The following STX17 variants were observed in gnomAD, a reference collection of about 807,000 sequenced individuals.
STX17 encodes syntaxin-17.
Under a neutral mutation model 35.9 loss-of-function variants are expected in STX17, and 29 were observed. The ratio of observed to expected loss-of-function variants is 0.81; its 90% CI spans 0.60 to 1.10. The LOEUF is 1.10. STX17 is among the 50% of genes least tolerant of loss of function. The pLI, the probability that STX17 is intolerant of heterozygous loss-of-function variation, is 0.00. For missense variants in STX17, 312 were observed against 352.3 expected (o/e 0.89, Z 0.92); for synonymous variants, 92 against 118.3 (o/e 0.78, Z 1.44).
chr9:99,957,389 C>T (rs1323788627), intron 4 of STX17, among the ~76,000 whole-genome samples: 1 of 152,110 alleles, frequency 6.6e-6, no homozygotes, highest in Admixed American at 6.6e-5. Context: ...ATGTCTGGCT[C>T]TTCTAAAATA....
In STX17 at chr9:99,970,607, G is replaced by A. The variant is rs1001971583; in HGVS notation, c.*1934G>A. Among the ~76,000 whole-genome samples the A allele has an allele frequency of 1.3e-5, 2 of 152,014 alleles. No homozygotes were observed. The highest frequency in any genetic ancestry group is 2.9e-5 in the Non-Finnish European group (2 of 67,992). On this transcript the variant is annotated 3_prime_UTR_variant, in exon 8 of 8. Coordinates refer to ENST00000259400, the MANE Select transcript of STX17 (RefSeq NM_017919.3). Reference sequence around the variant, plus strand: ...AAGATTCCTAAACCTCAGTTCCAGGGGTAATTCTGACATCACCCGTCCAGC... The same window carrying A: ...AAGATTCCTAAACCTCAGTTCCAGGAGTAATTCTGACATCACCCGTCCAGC...
intron 4 of STX17, among the ~76,000 whole-genome samples, chr9:99,951,901 C>CT (rs911377400): frequency 1.3e-4 from 20 of 151,084 alleles, no homozygotes; most frequent in African/African-American, 2.7e-4. Context: ...AGTAGTTGGT[C>CT]TTTTTTTTTA....
chr9:99,950,938 A>T, intron 3 of STX17, 122 bp from the exon 4 acceptor site: 1 of 936,832 alleles, frequency 1.1e-6, no homozygotes, highest in Non-Finnish European at 1.6e-6. Context: ...GTATTATGCT[A>T]CACCTTCTAT....
chr9:99,968,819 A>G lies in STX17; in HGVS notation c.*146A>G, dbSNP rs1166036640. 2.4e-5 allele frequency: 31 copies of G among 1,309,252 alleles called. No homozygotes were observed. Among genetic ancestry groups the G allele is most frequent in the Non-Finnish European group, 3.1e-5 (30 of 963,020 alleles). 81.1% of individuals were successfully genotyped at this position (1,309,252 alleles called of 1,614,324 possible). On this transcript the variant is annotated 3_prime_UTR_variant, in exon 8 of 8. Transcript: ENST00000259400. The stretch of plus-strand genomic sequence containing the variant: ...TGGGATTGAAGTGTGATAAATGGAT[A>G]TATTTTGTTGTTTGCTGGGGTGTTC...
At chr9:99,934,682 G>T (rs948693489) in intron 3 of STX17, among the ~76,000 whole-genome samples, 5 of 152,120 alleles carry the variant, frequency 3.3e-5, no homozygotes, top group African/African-American at 7.2e-5. Flanking sequence ...TGTTTGTAAA[G>T]AAATCAGATT....
chr9:99,907,806 A>C (rs1182114092), intron 1 of STX17, among the ~76,000 whole-genome samples: 1 of 152,174 alleles, frequency 6.6e-6, no homozygotes, highest in Non-Finnish European at 1.5e-5. Flanking sequence ...CTATTAACTG[A>C]ATTACTAACT....
chr9:99,914,864 A>G (rs1828734654), intron 1 of STX17, among the ~76,000 whole-genome samples: 1 of 152,190 alleles, frequency 6.6e-6, no homozygotes, highest in Non-Finnish European at 1.5e-5. Context: ...CTTACATAGA[A>G]AAAGACCTGG....
chr9:99,967,464 A>C (rs1357493960), intron 6 of STX17, 189 bp from the exon 7 acceptor site: 49 of 290,538 alleles, frequency 1.7e-4, no homozygotes, highest in Non-Finnish European at 2.7e-4. Context: ...AATAATTAAG[A>C]CCCCCCCCTT....
At chr9:99,918,355 C>A (rs2416937) in intron 2 of STX17, among the ~76,000 whole-genome samples, 104,749 of 152,060 alleles carry the variant, frequency 0.69, 36,355 homozygotes, top group African/African-American at 0.72. Flanking sequence ...TATCTCATCT[C>A]AAAGCCCTGG....
intron 6 of STX17, among the ~76,000 whole-genome samples, chr9:99,961,812 C>T (rs1286361722): frequency 6.6e-6 from 1 of 151,998 alleles, no homozygotes; most frequent in Non-Finnish European, 1.5e-5. Flanking sequence ...CTACTCTTGC[C>T]CCAATTTCTA....
intron 3 of STX17, chr9:99,945,656 C>T: frequency 3.5e-6 from 1 of 286,616 alleles, no homozygotes; most frequent in African/African-American, 2.3e-5. Flanking sequence ...TTTAAATCTC[C>T]ATATTTACTT....
chr9:99,918,515 T>G (rs1385892373), intron 2 of STX17, among the ~76,000 whole-genome samples: 2 of 151,958 alleles, frequency 1.3e-5, no homozygotes, highest in African/African-American at 4.8e-5. Flanking sequence ...TTTTTTTTTT[T>G]TGTAAGTTTT....
intron 3 of STX17, chr9:99,945,636 A>G (rs1302132040): frequency 1.1e-5 from 3 of 267,322 alleles, no homozygotes; most frequent in African/African-American, 6.9e-5. Flanking sequence ...GCTATTTCTT[A>G]AACATATTTT....
Position 99,973,680 on chromosome 9 carries a change from G to A in STX17, c.*5007G>A, listed in dbSNP as rs1444209701. 6.6e-6 allele frequency among the ~76,000 whole-genome samples: 1 copy of A among 151,942 alleles called. No homozygotes were observed. Among genetic ancestry groups the A allele is most frequent in the African/African-American group, 2.4e-5 (1 of 41,384 alleles). ...TAAAAAGACTATTACCTCACACCCCGCACTTGATCTTCCCCCAACTTTAAG... is the reference window on the plus strand; with the variant it reads ...TAAAAAGACTATTACCTCACACCCCACACTTGATCTTCCCCCAACTTTAAG... On this transcript the variant is annotated 3_prime_UTR_variant, in exon 8 of 8. Coordinates refer to ENST00000259400, the MANE Select transcript of STX17 (RefSeq NM_017919.3).
intron 1 of STX17, chr9:99,907,368 A>T (rs1347196074): frequency 6.6e-6 from 1 of 152,216 alleles, no homozygotes; most frequent in Non-Finnish European, 1.5e-5. Context: ...GTATCCTGAA[A>T]AGTGGGAGCT....
At chr9:99,915,465 G>A in intron 2 of STX17, 103 bp downstream of exon 2, 4 of 1,361,258 alleles carry the variant, frequency 2.9e-6, no homozygotes, top group Non-Finnish European at 3.9e-6. Flanking sequence ...AGGCATTGCT[G>A]AAACACCTAG....
intron 3 of STX17, among the ~76,000 whole-genome samples, chr9:99,939,685 T>G (rs4742778): frequency 0.69 from 104,696 of 152,012 alleles, 36,330 homozygotes; most frequent in African/African-American, 0.72. Flanking sequence ...TATTTTCCCA[T>G]TATTATTTTT....
chr9:99,959,833 A>G, intron 4 of STX17, 84 bp from the exon 5 acceptor site: 1 of 991,206 alleles, frequency 1.0e-6, no homozygotes, highest in Non-Finnish European at 1.6e-6. Flanking sequence ...TTAACGTGGC[A>G]TTTGTTTTAT....
chr9:99,954,390 T>G (rs1206350873), intron 4 of STX17, among the ~76,000 whole-genome samples: 2 of 152,018 alleles, frequency 1.3e-5, no homozygotes, highest in African/African-American at 4.8e-5. Flanking sequence ...TGCCTGAGTA[T>G]TTCGCCAAGT....
Sources: allele counts gnomAD v4.1 joint callset (sites outside exome capture counted in the v4.1 genomes callset), GRCh38; gene constraint gnomAD v4.1.1; transcripts MANE v1.5; gene names NCBI Gene and HGNC (gene_info 2026-07-23, HGNC 2026-07-21).